Variants in SYT16 observed in about 807,000 individuals in gnomAD.
SYT16 encodes the protein synaptotagmin-16.
A neutral mutation model predicts 61.4 loss-of-function variants in SYT16; 42 were observed. That is an observed-to-expected ratio of 0.68 (90% CI 0.53 to 0.89). SYT16 has a LOEUF of 0.89. SYT16 is among the 40% of genes least tolerant of loss of function. SYT16 has a pLI of 0.00. For synonymous variants in SYT16, 314 were observed against 302.3 expected (o/e 1.04, Z -0.40); for missense variants, 804 against 807.3 (o/e 1.00, Z 0.05).
rs1209790166 is a variant in SYT16 at position 62,101,636 on chromosome 14, A to G, written c.*929A>G. The G allele has an allele frequency of 6.7e-6, 1 of 149,370 alleles. No homozygotes were observed. Among genetic ancestry groups the G allele is most frequent in the Non-Finnish European group, 1.5e-5 (1 of 67,990 alleles). 9.3% of individuals were successfully genotyped at this position (149,370 alleles called of 1,614,324 possible). A position where few individuals can be genotyped will look rare whatever the true frequency, so the allele number is the denominator to read the frequency against. On this transcript the variant is annotated 3_prime_UTR_variant, in exon 8 of 8. Transcript: ENST00000683842. ...TGTAAACCATGCTCTTTTTAAACTG[A>G]GTATTTTCCATCACTAGAGCATAGT... is the stretch of plus-strand genomic sequence containing the variant.
intron 1 of SYT16, among the ~76,000 whole-genome samples, chr14:61,946,160 TAACA>T (rs2050427082): frequency 6.6e-6 from 1 of 152,074 alleles, no homozygotes; most frequent in South Asian, 2.1e-4. Flanking sequence ...TATACCTATG[TAACA>T]AACCTACACG....
At chr14:61,962,979 G>T (rs1365588735) in intron 1 of SYT16, among the ~76,000 whole-genome samples, 1 of 152,050 alleles carries the variant, frequency 6.6e-6, no homozygotes, top group Non-Finnish European at 1.5e-5. Flanking sequence ...TATTTGTCAA[G>T]CAGTTTATGT....
At chr14:61,828,306 A>G (rs963915615) in intron 1 of SYT16, among the ~76,000 whole-genome samples, 2 of 152,242 alleles carry the variant, frequency 1.3e-5, no homozygotes, top group African/African-American at 4.8e-5. Context: ...AGCATGTTTT[A>G]AAGAATTCAT....
At chr14:61,915,532 A>G (rs1488898987) in intron 1 of SYT16, among the ~76,000 whole-genome samples, 1 of 152,204 alleles carries the variant, frequency 6.6e-6, no homozygotes, top group Non-Finnish European at 1.5e-5. Context: ...CCCAGTTGAA[A>G]TCATTTGAGA....
rs189305951 is a variant in SYT16 at position 62,105,452 on chromosome 14, G to A, written c.*4745G>A. On this transcript the variant is annotated 3_prime_UTR_variant, in exon 8 of 8. Transcript: ENST00000683842. ...TATATATCCATTTTATATCCTGATA[G>A]CCAAACATTTTAAAATACTCTAATA... 6.6e-6 allele frequency: 1 copy of A among 152,236 alleles called. No individual in the cohort carries two copies. The highest frequency in any genetic ancestry group is 1.9e-4 in the East Asian group (1 of 5,178). The allele number at this position is 152,236 out of a possible 1,614,324, so 9.4% of individuals were successfully genotyped here.
At chr14:61,989,894 A>G (rs1010765379) in intron 2 of SYT16, among the ~76,000 whole-genome samples, 7 of 152,206 alleles carry the variant, frequency 4.6e-5, no homozygotes, top group Non-Finnish European at 1.0e-4. Context: ...AGTCCAGTGT[A>G]AAAAGGCCTG....
rs76133665 is a variant in SYT16 at position 61,875,118 on chromosome 14, A to G, written c.-325+62308A>G. 4.3e-3 allele frequency among the ~76,000 whole-genome samples: 656 copies of G among 152,354 alleles called. 7 individuals are homozygous for G. Among genetic ancestry groups the G allele is most frequent in the South Asian group, 0.029 (140 of 4,832 alleles). On this transcript the variant is annotated intron_variant, in intron 1 of 7. Transcript: ENST00000683842. The stretch of plus-strand genomic sequence containing the variant: ...CAGTCTACATTTTGGCACAATTGCC[A>G]TGAGATTCATAAGCAGATTACAGTT...
At chr14:62,013,055 T>C (rs1299056975) in intron 3 of SYT16, among the ~76,000 whole-genome samples, 1 of 152,228 alleles carries the variant, frequency 6.6e-6, no homozygotes, top group East Asian at 1.9e-4. Flanking sequence ...ATATAGTAGT[T>C]ATCTATATAG....
intron 1 of SYT16, among the ~76,000 whole-genome samples, chr14:61,835,294 G>A (rs1320825953): frequency 1.9e-5 from 2 of 107,174 alleles, no homozygotes; most frequent in East Asian, 6.1e-4. Flanking sequence ...GTCTCACATT[G>A]TCGCCCGGGG....
chr14:61,878,905 T>A (rs576199033), intron 1 of SYT16, among the ~76,000 whole-genome samples: 1 of 152,268 alleles, frequency 6.6e-6, no homozygotes. Context: ...TAGGCGCTAT[T>A]AGGGGATTTA....
chr14:61,880,482 T>G (rs2047661202), intron 1 of SYT16, among the ~76,000 whole-genome samples: 1 of 152,178 alleles, frequency 6.6e-6, no homozygotes, highest in Admixed American at 6.5e-5. Flanking sequence ...CATTTTAGAA[T>G]TAGTTCGTAA....
chr14:62,042,037 A>T (rs2054752282), intron 3 of SYT16, among the ~76,000 whole-genome samples: 1 of 152,210 alleles, frequency 6.6e-6, no homozygotes, highest in Non-Finnish European at 1.5e-5. Context: ...TGTTGAATAT[A>T]TGGAATATAG....
At chr14:61,896,824 G>A (rs1266596465) in intron 1 of SYT16, among the ~76,000 whole-genome samples, 1 of 152,188 alleles carries the variant, frequency 6.6e-6, no homozygotes, top group African/African-American at 2.4e-5. Flanking sequence ...AAAGAAATAT[G>A]TAAACTCTAG....
intron 1 of SYT16, among the ~76,000 whole-genome samples, chr14:61,956,546 T>G (rs1204408374): frequency 6.6e-6 from 1 of 152,068 alleles, no homozygotes; most frequent in East Asian, 1.9e-4. Context: ...CTGAACCATT[T>G]GTGGAAAAGA....
chr14:62,020,719 C>T lies in SYT16; in HGVS notation c.523+24177C>T, dbSNP rs540154450. Among the ~76,000 whole-genome samples the T allele has an allele frequency of 4.3e-4, 66 of 152,268 alleles. 1 individual carries two copies. The highest frequency in any genetic ancestry group is 6.8e-4 in the Non-Finnish European group (46 of 68,022). On this transcript the variant is annotated intron_variant, in intron 3 of 7. Coordinates refer to ENST00000683842, the MANE Select transcript of SYT16 (RefSeq NM_001367656.1). Reference sequence around the variant, plus strand: ...AAGCTTAGCTAAAATTCCTGGTGGGCGTCAGGAGCCTCCTAGGATCAAGCT... The same window carrying T: ...AAGCTTAGCTAAAATTCCTGGTGGGTGTCAGGAGCCTCCTAGGATCAAGCT...
At chr14:61,981,566 C>T (rs928366956) in intron 2 of SYT16, among the ~76,000 whole-genome samples, 5 of 152,216 alleles carry the variant, frequency 3.3e-5, no homozygotes, top group African/African-American at 1.2e-4. Context: ...GATACTCTCT[C>T]GTCTCCATTT....
intron 5 of SYT16, among the ~76,000 whole-genome samples, chr14:62,076,909 T>C (rs936413753): frequency 2.0e-5 from 3 of 152,174 alleles, no homozygotes; most frequent in Admixed American, 6.5e-5. Context: ...GACTCGGTAT[T>C]GAGGGTACTA....
At chr14:62,000,032 T>C (rs1281941589) in intron 3 of SYT16, among the ~76,000 whole-genome samples, 1 of 150,348 alleles carries the variant, frequency 6.7e-6, no homozygotes, top group Non-Finnish European at 1.5e-5. Flanking sequence ...CTGGAGAGAG[T>C]ATTCTATAAA....
chr14:61,951,930 C>T (rs538211732), intron 1 of SYT16, among the ~76,000 whole-genome samples: 182 of 152,224 alleles, frequency 1.2e-3, no homozygotes, highest in South Asian at 8.5e-3. Flanking sequence ...GCTGGTACTA[C>T]AGGTAGGTGC....
Sources: gnomAD v4.1 joint callset for allele counts (sites outside exome capture counted in the v4.1 genomes callset) on GRCh38, gnomAD v4.1.1 for gene constraint, MANE v1.5 for transcripts, NCBI Gene and HGNC (gene_info 2026-07-23, HGNC 2026-07-21) for gene names.